Variants in SLC18B1 observed in about 807,000 individuals in gnomAD.
SLC18B1 encodes solute carrier family 18 member B1, also known as MFS-type transporter SLC18B1.
Under a neutral mutation model 53.9 loss-of-function variants are expected in SLC18B1, and 62 were observed. That is an observed-to-expected ratio of 1.15 (90% confidence interval 0.94 to 1.42). SLC18B1 has a LOEUF of 1.42. SLC18B1 is among the 40% of genes most tolerant of loss of function. The probability of loss-of-function intolerance (pLI) is 0.00; values close to 1 mark genes in which losing one functional copy is unlikely to be tolerated. For synonymous variants in SLC18B1, 217 were observed against 200.9 expected (o/e 1.08, Z -0.68); for missense variants, 598 against 547.3 (o/e 1.09, Z -0.93).
chr6:132,784,857 G>A (rs907678637), intron 5 of SLC18B1, among the ~76,000 whole-genome samples: 3 of 152,086 alleles, frequency 2.0e-5, no homozygotes, highest in East Asian at 1.9e-4. Context: ...TTATATCCAC[G>A]CAGTGAAATA....
chr6:132,792,271 GAAAGAAAGA>G (rs1781551095), intron 2 of SLC18B1, among the ~76,000 whole-genome samples: 2 of 48,976 alleles, frequency 4.1e-5, no homozygotes, highest in African/African-American at 1.5e-4. Context: ...AAGAAAGAAA[GAAAGAAAGA>G]AAGGAAGAAA....
In SLC18B1 at chr6:132,795,118, C is replaced by T. The variant is rs140630689; in HGVS notation, c.183+1864G>A. 2.5e-3 allele frequency among the ~76,000 whole-genome samples: 377 copies of T among 151,018 alleles called. 3 individuals carry two copies. The highest frequency in any genetic ancestry group is 8.5e-3 in the African/African-American group (348 of 41,096). Reference sequence around the variant, plus strand: ...TTAACCATTCTTCTTTCTAGGCTCTCATAACATTAGTATGGATAGAGGGAA... The same window carrying T: ...TTAACCATTCTTCTTTCTAGGCTCTTATAACATTAGTATGGATAGAGGGAA... On this transcript the variant is annotated intron_variant, in intron 2 of 13. Transcript: ENST00000275227.
At chr6:132,777,826 A>G (rs1345338597) in intron 7 of SLC18B1, among the ~76,000 whole-genome samples, 1 of 152,272 alleles carries the variant, frequency 6.6e-6, no homozygotes, top group Non-Finnish European at 1.5e-5. Flanking sequence ...ACAGAAAAAC[A>G]GCTCAAAAAT....
chr6:132,791,198 C>T (rs765702578), intron 2 of SLC18B1, among the ~76,000 whole-genome samples: 7 of 151,996 alleles, frequency 4.6e-5, no homozygotes, highest in African/African-American at 7.3e-5. Context: ...ATATATTGAC[C>T]GTCTTATATA....
rs766712576 is a variant in SLC18B1 at position 132,776,371 on chromosome 6, G to T, written c.854C>A (p.Ala285Asp). 3 of 1,613,596 alleles carry T rather than the reference G, an allele frequency of 1.9e-6. No individual in the cohort carries two copies. The highest frequency in any genetic ancestry group is 1.1e-5 in the South Asian group (1 of 90,938). ...LVFLGMALSY[A>D]ISSPLFGLLS... ...GAGACCAAATAGTGGTGAAGAGATG[G>T]CATAGGACAGTGCCATACCCAGGAA... The change falls in exon 8 of 14, where the codon GCC (alanine) becomes GAC (aspartate). Residue 285 changes from alanine (A) to aspartate (D), a missense_variant. Ala to Asp is a moderately radical substitution (Grantham distance 126). Transcript: ENST00000275227.
rs753072629 is a variant in SLC18B1 at position 132,771,001 on chromosome 6, A to G, written c.1254+35T>C. On this transcript the variant is annotated intron_variant, in intron 12 of 13. Transcript: ENST00000275227. Reference sequence around the variant, plus strand: ...TTCCAAGTCAAGTTTTTCCACAAATATAAGGAAAATGCAAATAAAAGACTG... The same window carrying G: ...TTCCAAGTCAAGTTTTTCCACAAATGTAAGGAAAATGCAAATAAAAGACTG... The G allele has an allele frequency of 6.8e-6, 11 of 1,610,312 alleles. No individual in the cohort carries two copies. In the South Asian group the frequency reaches 8.9e-5, roughly 13 times the overall value.
At position 132,779,333 on chromosome 6, in the gene SLC18B1, T is replaced by C. The variant is rs986048482; in HGVS notation, c.730A>G (p.Ile244Val). The change falls in exon 7 of 14, where the codon ATC becomes GTC. Residue 244 changes from isoleucine to valine, a missense_variant. Transcript: ENST00000275227. ...CCAAAACACGAGCTGAGTGAGTTGA[T>C]GACGAAGGCTATAAGGCCAACTTTG... ...LPKVGLIAFVINSLSSCFGFL... is the reference protein window; with the variant it reads ...LPKVGLIAFVVNSLSSCFGFL... 1 of 1,613,764 alleles carries C rather than the reference T, an allele frequency of 6.2e-7. No individual in the cohort carries two copies. Among genetic ancestry groups the C allele is most frequent in the African/African-American group, 1.3e-5 (1 of 74,820 alleles).
In SLC18B1 at chr6:132,790,184, C is replaced by A; in HGVS notation, c.272G>T (p.Gly91Val). 1 of 1,564,462 alleles carries A rather than the reference C, an allele frequency of 6.4e-7. No individual in the cohort carries two copies. The highest frequency in any genetic ancestry group is 1.9e-5 in the Admixed American group (1 of 53,622). The change falls in exon 3 of 14, where the codon GGA becomes GTA. Residue 91 changes from glycine (G) to valine (V), a missense_variant. Physicochemically the swap from Gly to Val is moderately radical, Grantham distance 109 (BLOSUM62 -3). Coordinates refer to ENST00000275227, the MANE Select transcript of SLC18B1 (RefSeq NM_052831.3). ...TATGAACTTTATACTTACATAGTTT[C>A]CAAATACCAAGGATGCCAGCAACTC... The part of the protein sequence containing the change: ...LFELLASLVF[G>V]NYLVHIGAKF...
At chr6:132,781,194 G>A (rs1314633454) in intron 6 of SLC18B1, among the ~76,000 whole-genome samples, 2 of 152,142 alleles carry the variant, frequency 1.3e-5, no homozygotes, top group Non-Finnish European at 2.9e-5. Flanking sequence ...AATCCAGGGT[G>A]AGAAAAGTTG....
chr6:132,783,981 C>T lies in SLC18B1; in HGVS notation c.610G>A (p.Val204Ile), dbSNP rs6926101. Residue 204 changes from valine to isoleucine, a missense_variant, in exon 6 of 14, where the codon GTC (valine) becomes ATC (isoleucine). Physicochemically the swap from Val to Ile is conservative, Grantham distance 29. Coordinates refer to ENST00000275227, the MANE Select transcript of SLC18B1 (RefSeq NM_052831.3). ...TTGAGTGGTACCATCAGCAAAACGACGCATCCCAGAACAATAAAAGGCACT... is the reference window on the plus strand; with the variant it reads ...TTGAGTGGTACCATCAGCAAAACGATGCATCCCAGAACAATAAAAGGCACT... ...YEVPFIVLGC[V>I]VLLMVPLNMY... is the part of the protein sequence containing the mutation. The T allele has an allele frequency of 0.075, 121,152 of 1,606,642 alleles. 11,460 individuals carry two copies. The highest frequency in any genetic ancestry group is 0.48 in the African/African-American group (35,418 of 74,256).
Position 132,770,887 on chromosome 6 carries a change from T to C in SLC18B1, c.1304+3A>G, listed in dbSNP as rs1482460192. ...AGAAAAAAAGCCCCAAAATTGACCA[T>C]ACCTTTTTCTCCTTGAATACTCCAG... On this transcript the variant is annotated splice_donor_region_variant and intron_variant, in intron 13 of 13. Coordinates refer to ENST00000275227, the MANE Select transcript of SLC18B1 (RefSeq NM_052831.3). The C allele has an allele frequency of 1.9e-6, 3 of 1,606,490 alleles. No homozygotes were observed. The highest frequency in any genetic ancestry group is 2.5e-6 in the Non-Finnish European group (3 of 1,178,016).
In SLC18B1 at chr6:132,770,346, G is replaced by T; in HGVS notation, c.1305-10C>A. 1.2e-6 allele frequency: 2 copies of T among 1,606,592 alleles called. No homozygotes were observed. The highest frequency in any genetic ancestry group is 1.1e-5 in the South Asian group (1 of 90,890). On this transcript the variant is annotated splice_polypyrimidine_tract_variant and intron_variant, in intron 13 of 13. Transcript: ENST00000275227. ...GTTTTGAGATTTAGACCTACATTGA[G>T]GGAAAGAAGAGATGAATCTCAATAT...
In SLC18B1 at chr6:132,771,048, C is replaced by T; in HGVS notation, c.1242G>A (p.Trp414Ter). 1 of 1,614,050 alleles carries T rather than the reference C, an allele frequency of 6.2e-7. No individual in the cohort carries two copies. The highest frequency in any genetic ancestry group is 8.5e-7 in the Non-Finnish European group (1 of 1,179,968). The change falls in exon 12 of 14, where the codon TGG becomes TGA. Residue 414 changes from tryptophan (W) to a stop codon, truncating the protein, a stop_gained. Transcript: ENST00000275227. LOFTEE classifies it high-confidence loss of function. ...FEWAAAIQGL[W>*]ALISGLAMGL... ...ACTGATTACTCACACTTATCAGAGC[C>T]CATAGACCTTGTATAGCTGCTGCCC...
chr6:132,774,349 G>C (rs376886441), intron 8 of SLC18B1, 36 bp from the exon 9 acceptor site: 121 of 1,504,050 alleles, frequency 8.0e-5, no homozygotes, highest in Non-Finnish European at 9.1e-5. Flanking sequence ...ATGATTCTTA[G>C]AGGCAAAGAC....
At chr6:132,797,481 C>T (rs1781724818) in intron 1 of SLC18B1, among the ~76,000 whole-genome samples, 1 of 152,118 alleles carries the variant, frequency 6.6e-6, no homozygotes, top group African/African-American at 2.4e-5. Flanking sequence ...CCCCTGTATC[C>T]CAGCTACTCG....
chr6:132,774,783 C>T (rs1395553901), intron 8 of SLC18B1, among the ~76,000 whole-genome samples: 2 of 151,864 alleles, frequency 1.3e-5, no homozygotes, highest in Non-Finnish European at 2.9e-5. Context: ...GGGTGGTGGA[C>T]ATCTGTAATC....
chr6:132,776,210 C>T, intron 8 of SLC18B1, 118 bp downstream of exon 8: 1 of 746,106 alleles, frequency 1.3e-6, no homozygotes, highest in Non-Finnish European at 2.2e-6. Context: ...ACCTCTCCAT[C>T]AGTCCAATTG....
At chr6:132,796,843 T>G in intron 2 of SLC18B1, 139 bp downstream of exon 2, 3 of 821,834 alleles carry the variant, frequency 3.7e-6, no homozygotes, top group Non-Finnish European at 5.1e-6. Flanking sequence ...AAGTATTCTA[T>G]TGGCTGGAGT....
intron 4 of SLC18B1, 93 bp from the exon 5 acceptor site, chr6:132,787,674 C>A: frequency 8.8e-7 from 1 of 1,130,008 alleles, no homozygotes; most frequent in South Asian, 2.7e-5. Flanking sequence ...AATAGTACCT[C>A]ACTCATGGTT....
Sources: allele counts gnomAD v4.1 joint callset (sites outside exome capture counted in the v4.1 genomes callset), GRCh38; gene constraint gnomAD v4.1.1; transcripts MANE v1.5; gene names NCBI Gene and HGNC (gene_info 2026-07-23, HGNC 2026-07-21).